Variants in KRT16 observed in about 807,000 individuals in gnomAD.
KRT16 encodes the protein keratin 16, also known as keratin, type I cytoskeletal 16.
KRT16 carries 42 observed loss-of-function variants against 44.8 expected under a neutral mutation model. The observed-to-expected ratio is 0.94, with a 90% CI of 0.73 to 1.21. The LOEUF (loss-of-function observed/expected upper bound fraction) is 1.21. KRT16 is among the 50% of genes most tolerant of loss of function. The pLI, the probability that KRT16 is intolerant of heterozygous loss-of-function variation, is 0.00. For missense variants in KRT16, 561 were observed against 626.9 expected (o/e 0.89, Z 1.12); for synonymous variants, 226 against 260.4 (o/e 0.87, Z 1.27).
Position 41,609,921 on chromosome 17 carries a change from G to A in KRT16, c.*14C>T. The A allele has an allele frequency of 6.2e-7, 1 of 1,610,280 alleles. No individual in the cohort carries two copies. Among genetic ancestry groups the A allele is most frequent in the South Asian group, 1.1e-5 (1 of 90,746 alleles). ...AGCTGGTGGGCAGGAGGCTGTGGTA[G>A]AGGCAGCTCAGTTCTAGGAGCTCTG... On this transcript the variant is annotated 3_prime_UTR_variant, in exon 8 of 8. Transcript: ENST00000301653.
chr17:41,611,439 A>T lies in KRT16; in HGVS notation c.677T>A (p.Val226Glu). The part of the protein sequence containing the change: ...VEADVNGLRR[V>E]LDELTLARTD... ...CCTGGCCAGGGTCAGCTCATCCAAC[A>T]CCCGGCGCAGGCCATTGACGTCGGC... Residue 226 changes from valine (V) to glutamate (E), a missense_variant, in exon 3 of 8, where the codon GTG (valine) becomes GAG (glutamate). Transcript: ENST00000301653. The T allele has an allele frequency of 1.9e-6, 3 of 1,613,918 alleles. No individual in the cohort carries two copies. Among genetic ancestry groups the T allele is most frequent in the Non-Finnish European group, 2.5e-6 (3 of 1,179,980 alleles).
Position 41,612,214 on chromosome 17 carries a change from T to A in KRT16, c.475A>T (p.Ser159Cys), listed in dbSNP as rs1383968796. Residue 159 changes from serine to cysteine, a missense_variant, in exon 1 of 8, where the codon AGT becomes TGT. Coordinates refer to ENST00000301653, the MANE Select transcript of KRT16 (RefSeq NM_005557.4). ...IRDWYQRQRP[S>C]EIKDYSPYFK... ...TAGGGACTGTAGTCTTTGATCTCAC[T>A]GGGCCGCTGCCTCTGGTACCAGTCA... The A allele has an allele frequency of 6.2e-7, 1 of 1,612,910 alleles. No homozygotes were observed.
In KRT16 at chr17:41,610,520, G is replaced by A; in HGVS notation, c.1091C>T (p.Thr364Ile). The change falls in exon 6 of 8, where the codon ACC (threonine) becomes ATC (isoleucine). Residue 364 changes from threonine to isoleucine, a missense_variant. Physicochemically the swap from Thr to Ile is moderately conservative, Grantham distance 89. Coordinates refer to ENST00000301653, the MANE Select transcript of KRT16 (RefSeq NM_005557.4). ...CAGCTGCATGCAGTAGCGGCCTTTG[G>A]TCTCCTCCAGGCTGTTCTCCAGGGA... is the stretch of plus-strand genomic sequence containing the variant. ...KASLENSLEE[T>I]KGRYCMQLSQ... The A allele has an allele frequency of 6.2e-7, 1 of 1,612,082 alleles. No homozygotes were observed. The highest frequency in any genetic ancestry group is 1.1e-5 in the South Asian group (1 of 90,992).
Position 41,610,920 on chromosome 17 carries a change from A to G in KRT16, c.993T>C (p.Ser331=), listed in dbSNP as rs775254361. Residue 331 remains serine (S), a synonymous_variant, in exon 5 of 8, where the codon AGT becomes AGC. Coordinates refer to ENST00000301653, the MANE Select transcript of KRT16 (RefSeq NM_005557.4). ...GCACCCTCCGGAGCTCCGTCACCTC[A>G]CTGCGGCTGCTCTGTACCAGTTCGC... ...SNSELVQSSR[S]EVTELRRVLQ... 10 of 1,613,962 alleles carry G rather than the reference A, an allele frequency of 6.2e-6. No homozygotes were observed. In the East Asian group the frequency reaches 2.2e-4, roughly 36 times the overall value.
chr17:41,612,286 C>T lies in KRT16; in HGVS notation c.403G>A (p.Val135Met), dbSNP rs1243178240. The stretch of plus-strand genomic sequence containing the variant: ...GCGTTGGCCTCCTCCAGAGCACGCA[C>T]CTTGTCCAGGTAGGAGGCCAGGCGG... ...NDRLASYLDKVRALEEANADL... is the reference protein window; with the variant it reads ...NDRLASYLDKMRALEEANADL... The change falls in exon 1 of 8, where the codon GTG (valine) becomes ATG (methionine). Residue 135 changes from valine (V) to methionine (M), a missense_variant. Physicochemically the swap from Val to Met is conservative, Grantham distance 21. Coordinates refer to ENST00000301653, the MANE Select transcript of KRT16 (RefSeq NM_005557.4). The T allele has an allele frequency of 1.9e-6, 3 of 1,614,130 alleles. No homozygotes were observed. Among genetic ancestry groups the T allele is most frequent in the South Asian group, 1.1e-5 (1 of 91,082 alleles).
rs1908167725 is a variant in KRT16, at chr17:41,610,879, A to G, written c.1034T>C (p.Ile345Thr). ...CATGCTGAGCTGGGACTGCAGCTCA[A>G]TCTCCAGGCCCTGGAGCACCCTCCG... ...ELRRVLQGLE[I>T]ELQSQLSMKA... Residue 345 changes from isoleucine to threonine, a missense_variant, in exon 5 of 8, where the codon ATT (isoleucine) becomes ACT (threonine). By Grantham distance (89) the Ile-to-Thr change is moderately conservative. Coordinates refer to ENST00000301653, the MANE Select transcript of KRT16 (RefSeq NM_005557.4). The G allele has an allele frequency of 6.2e-7, 1 of 1,614,032 alleles. No individual in the cohort carries two copies. The highest frequency in any genetic ancestry group is 8.5e-7 in the Non-Finnish European group (1 of 1,180,038).
intron 5 of KRT16, 70 bp downstream of exon 5, chr17:41,610,784 G>T: frequency 6.2e-7 from 1 of 1,608,706 alleles, no homozygotes; most frequent in Non-Finnish European, 8.5e-7. Context: ...GAACTAGACT[G>T]TGGCTTTTTG....
intron 7 of KRT16, 24 bp from the exon 8 acceptor site, chr17:41,610,053 G>A (rs1389776739): frequency 3.1e-6 from 5 of 1,590,058 alleles, no homozygotes; most frequent in African/African-American, 2.7e-5. Context: ...AAGAGGAGGT[G>A]AGAAGGGGTC....
chr17:41,611,769 C>T (rs778650209), intron 1 of KRT16, 48 bp from the exon 2 acceptor site: 1 of 1,549,126 alleles, frequency 6.5e-7, no homozygotes, highest in Admixed American at 1.8e-5. Context: ...AAGGACCTTA[C>T]TACTTGAGCA....
At chr17:41,610,152 A>G (rs761142594) in intron 7 of KRT16, 38 bp downstream of exon 7, 9 of 1,611,626 alleles carry the variant, frequency 5.6e-6, no homozygotes, top group African/African-American at 2.7e-5. Flanking sequence ...GGAAACAGGC[A>G]GAGGGGCTGC....
chr17:41,610,469 C>A lies in KRT16; in HGVS notation c.1142G>T (p.Ser381Ile). 1 of 1,612,226 alleles carries A rather than the reference C, an allele frequency of 6.2e-7. No individual in the cohort carries two copies. The highest frequency in any genetic ancestry group is 8.5e-7 in the Non-Finnish European group (1 of 1,179,872). The change falls in exon 6 of 8, where the codon AGT (serine) becomes ATT (isoleucine). Residue 381 changes from serine to isoleucine, a missense_variant. Coordinates refer to ENST00000301653, the MANE Select transcript of KRT16 (RefSeq NM_005557.4). ...QLSQIQGLIG[S>I]VEEQLAQLRC... ...TAGCTGGGCCAGCTGCTCCTCCACACTGCCAATCAGTCCCTGGATCTGGGA... is the reference window on the plus strand; with the variant it reads ...TAGCTGGGCCAGCTGCTCCTCCACAATGCCAATCAGTCCCTGGATCTGGGA...
intron 5 of KRT16, 59 bp from the exon 6 acceptor site, chr17:41,610,610 C>T: frequency 1.3e-6 from 2 of 1,592,638 alleles, no homozygotes; most frequent in South Asian, 1.1e-5. Flanking sequence ...TCCTCCAGGT[C>T]TCTGGGCATG....
In KRT16 at chr17:41,612,629, G is replaced by A. The variant is rs748848000; in HGVS notation, c.60C>T (p.Ile20=). 100 of 1,598,468 alleles carry A rather than the reference G, an allele frequency of 6.3e-5. No individual in the cohort carries two copies. In the Middle Eastern group the frequency reaches 1.1e-3, roughly 18 times the overall value. ...SSSSMKGSCG[I]GGGIGGGSSR... is the part of the protein sequence containing the mutation. The stretch of plus-strand genomic sequence containing the variant: ...TGGAGCCGCCCCCGATGCCGCCTCC[G>A]ATGCCGCAGGAGCCCTTCATGGAGC... The change falls in exon 1 of 8, where the codon ATC becomes ATT. Residue 20 remains isoleucine (I), a synonymous_variant. Coordinates refer to ENST00000301653, the MANE Select transcript of KRT16 (RefSeq NM_005557.4).
Position 41,609,874 on chromosome 17 carries a change from C to CG in KRT16, c.*60dup, listed in dbSNP as rs1180133543. 7.1e-7 allele frequency: 1 copy of CG among 1,401,370 alleles called. No homozygotes were observed. The highest frequency in any genetic ancestry group is 1.0e-6 in the Non-Finnish European group (1 of 992,684). The allele number at this position is 1,401,370 out of a possible 1,614,324, so 86.8% of individuals were successfully genotyped here. A position where few individuals can be genotyped will look rare whatever the true frequency, so the allele number is the denominator to read the frequency against. ...GCGCCAGGAGAGCAGGGTCCTGACC[C>CG]GGGCCTTCAGGAGGTGAGGCCAGCT... On this transcript the variant is annotated 3_prime_UTR_variant, in exon 8 of 8. Transcript: ENST00000301653.
chr17:41,610,808 C>G (rs770867452), intron 5 of KRT16, 46 bp downstream of exon 5: 1 of 1,612,388 alleles, frequency 6.2e-7, no homozygotes, highest in East Asian at 2.2e-5. Context: ...GGGTGGTGGC[C>G]ATTACTGGTG....
Position 41,612,245 on chromosome 17 carries a change from C to T in KRT16, c.444G>A (p.Lys148=), listed in dbSNP as rs149934946. ...LEEANADLEV[K]IRDWYQRQRP... ...GCTGCCTCTGGTACCAGTCACGGAT[C>T]TTCACTTCCAGGTCGGCGTTGGCCT... The change falls in exon 1 of 8, where the codon AAG becomes AAA. Residue 148 remains lysine, a synonymous_variant. Transcript: ENST00000301653. The T allele has an allele frequency of 1.9e-4, 314 of 1,613,754 alleles. No homozygotes were observed. In the African/African-American group the frequency reaches 3.4e-3, roughly 18 times the overall value.
Position 41,610,184 on chromosome 17 carries a change from C to A in KRT16, c.1327+6G>T, listed in dbSNP as rs1344144513. 2.5e-6 allele frequency: 4 copies of A among 1,613,832 alleles called. No individual in the cohort carries two copies. Among genetic ancestry groups the A allele is most frequent in the African/African-American group, 1.3e-5 (1 of 74,912 alleles). ...CTGCAGTGCCGGGGAGCCTCAGAAG[C>A]CTTACCCTCGCGGGAAGAATAGGAT... On this transcript the variant is annotated splice_donor_region_variant and intron_variant, in intron 7 of 7. Transcript: ENST00000301653.
At position 41,611,369 on chromosome 17, in the gene KRT16, G is replaced by A. The variant is rs769393410; in HGVS notation, c.747C>T (p.Ala249=). 3.1e-6 allele frequency: 5 copies of A among 1,614,168 alleles called. No homozygotes were observed. The highest frequency in any genetic ancestry group is 2.2e-5 in the South Asian group (2 of 91,086). The change falls in exon 3 of 8, where the codon GCC becomes GCT. Residue 249 remains alanine (A), a synonymous_variant. Transcript: ENST00000301653. The part of the protein sequence containing the change: ...MQIEGLKEEL[A]YLRKNHEEEM... ...CCTCCTCGTGGTTCTTCCTCAGGTA[G>A]GCCAGCTCCTCCTTCAGGCCTTCGA...
In KRT16 at chr17:41,612,160, T is replaced by A. The variant is rs756111023; in HGVS notation, c.529A>T (p.Lys177Ter). The change falls in exon 1 of 8, where the codon AAG (lysine) becomes TAG (stop). Residue 177 changes from lysine to a stop codon, truncating the protein, a stop_gained and splice_region_variant. Coordinates refer to ENST00000301653, the MANE Select transcript of KRT16 (RefSeq NM_005557.4). LOFTEE classifies it high-confidence loss of function. ...CTCCATACACCAAAGTCACCCACCT[T>A]GTTCCTCAGGTCCTCGATGGTCTTG... Reference protein sequence around the residue: ...YFKTIEDLRNKIIAATIENAQ... With the variant: ...YFKTIEDLRN 3 of 1,612,160 alleles carry A rather than the reference T, an allele frequency of 1.9e-6. No homozygotes were observed. Among genetic ancestry groups the A allele is most frequent in the Non-Finnish European group, 2.5e-6 (3 of 1,179,872 alleles).
Sources: allele counts gnomAD v4.1 joint callset, GRCh38; gene constraint gnomAD v4.1.1; transcripts MANE v1.5; gene names NCBI Gene and HGNC (gene_info 2026-07-23, HGNC 2026-07-21).